Variants in OR52N2 observed in about 807,000 individuals in gnomAD.
The protein encoded by OR52N2 is olfactory receptor 52N2.
For synonymous variants in OR52N2, 129 were observed against 72.0 expected, an observed-to-expected ratio of 1.79 and a Z score of -4.01; for missense variants, 326 against 196.6, an observed-to-expected ratio of 1.66 and a Z score of -3.94.
rs535747998 is a variant in OR52N2 at position 5,816,296 on chromosome 11, T to A, written c.-54-3986T>A. ...ATGAATGTATTTAATGCCACTGAACTGTATATACCTGAACATGATTAAGAT... is the reference window on the plus strand; with the variant it reads ...ATGAATGTATTTAATGCCACTGAACAGTATATACCTGAACATGATTAAGAT... On this transcript the variant is annotated intron_variant, in intron 1 of 1. Transcript: ENST00000317037. 2.6e-5 allele frequency among the ~76,000 whole-genome samples: 4 copies of A among 152,316 alleles called. No homozygotes were observed. In the South Asian group the frequency reaches 8.3e-4, roughly 32 times the overall value.
Position 5,820,851 on chromosome 11 carries a change from G to A in OR52N2, c.516G>A (p.Arg172=), listed in dbSNP as rs73394378. ...TCACCAAGCGCCTGCCCTATTGCCG[G>A]GGGAACTTCATCCCCCACACCTACT... The part of the protein sequence containing the change: ...TLLTKRLPYC[R]GNFIPHTYCD... Residue 172 remains arginine, a synonymous_variant, in exon 2 of 2, where the codon CGG becomes CGA. Coordinates refer to ENST00000317037, the MANE Select transcript of OR52N2 (RefSeq NM_001005174.3). The A allele has an allele frequency of 0.052, 40,645 of 780,780 alleles. 1,305 individuals are homozygous for A. Among genetic ancestry groups the A allele is most frequent in the African/African-American group, 0.078 (4,597 of 59,160 alleles). 48.4% of individuals were successfully genotyped at this position (780,780 alleles called of 1,614,324 possible).
intron 1 of OR52N2, among the ~76,000 whole-genome samples, chr11:5,820,053 G>A (rs1483093516): frequency 1.3e-5 from 2 of 152,168 alleles, no homozygotes; most frequent in Non-Finnish European, 2.9e-5. Flanking sequence ...CTGGGGAGAG[G>A]TGTGGTAAGT....
At chr11:5,816,977 A>G (rs79789884) in intron 1 of OR52N2, among the ~76,000 whole-genome samples, 12 of 152,292 alleles carry the variant, frequency 7.9e-5, no homozygotes, top group African/African-American at 2.9e-4. Flanking sequence ...CTATTGTTTT[A>G]TAAACACAAC....
intron 1 of OR52N2, among the ~76,000 whole-genome samples, chr11:5,815,335 T>C (rs896544219): frequency 2.6e-5 from 4 of 152,012 alleles, no homozygotes; most frequent in African/African-American, 7.2e-5. Context: ...ATATATCTGA[T>C]AGGTATTAAT....
intron 1 of OR52N2, among the ~76,000 whole-genome samples, chr11:5,815,504 G>A (rs1306810904): frequency 2.6e-5 from 4 of 152,048 alleles, no homozygotes; most frequent in Non-Finnish European, 5.9e-5. Context: ...TTAGGGAACT[G>A]CAAATTAAAA....
intron 1 of OR52N2, among the ~76,000 whole-genome samples, chr11:5,815,458 A>G (rs1846396671): frequency 6.6e-6 from 1 of 152,150 alleles, no homozygotes; most frequent in Non-Finnish European, 1.5e-5. Context: ...ACAAATGGAT[A>G]ATAAACACAT....
At chr11:5,818,256 T>C (rs1846419551) in intron 1 of OR52N2, among the ~76,000 whole-genome samples, 1 of 152,170 alleles carries the variant, frequency 6.6e-6, no homozygotes, top group African/African-American at 2.4e-5. Context: ...ATGTTTTTCA[T>C]GACCAGACTT....
chr11:5,810,426 C>G (rs1181535987), intron 1 of OR52N2, among the ~76,000 whole-genome samples: 1 of 151,922 alleles, frequency 6.6e-6, no homozygotes, highest in Non-Finnish European at 1.5e-5. Flanking sequence ...CCTCAAAAAT[C>G]CCAAAACATT....
rs1334010636 is a variant in OR52N2 at position 5,821,192 on chromosome 11, T to C, written c.857T>C (p.Leu286Pro). The C allele has an allele frequency of 1.3e-6, 1 of 781,066 alleles. No individual in the cohort carries two copies. Among genetic ancestry groups the C allele is most frequent in the Non-Finnish European group, 2.4e-6 (1 of 418,126 alleles). 48.4% of individuals were successfully genotyped at this position (781,066 alleles called of 1,614,324 possible). A position where few individuals can be genotyped will look rare whatever the true frequency, so the allele number is the denominator to read the frequency against. The change falls in exon 2 of 2, where the codon CTG (leucine) becomes CCG (proline). Residue 286 changes from leucine to proline, a missense_variant. Leu to Pro is a moderately conservative substitution (Grantham distance 98). Coordinates refer to ENST00000317037, the MANE Select transcript of OR52N2 (RefSeq NM_001005174.3). The stretch of plus-strand genomic sequence containing the variant: ...ATCGTGGCCAACCTTTATCTGCTAC[T>C]GCCTCCTACCATGAACCCAATTGTT... ...HIIVANLYLL[L>P]PPTMNPIVYG... is the part of the protein sequence containing the mutation.
In OR52N2 at chr11:5,820,539, C is replaced by T. The variant is rs1590368691; in HGVS notation, c.204C>T (p.Leu68=). 1 of 779,538 alleles carries T rather than the reference C, an allele frequency of 1.3e-6. No homozygotes were observed. The highest frequency in any genetic ancestry group is 2.4e-6 in the Non-Finnish European group (1 of 417,316). 48.3% of individuals were successfully genotyped at this position (779,538 alleles called of 1,614,324 possible). A position where few individuals can be genotyped will look rare whatever the true frequency, so the allele number is the denominator to read the frequency against. ...CCATGTACTACTTCCTGGCCCTGCT[C>T]TCCTTCACTGATGTCACCTTGTGCA... The part of the protein sequence containing the change: ...HRPMYYFLAL[L]SFTDVTLCTT... The change falls in exon 2 of 2, where the codon CTC becomes CTT. Residue 68 remains leucine (L), a synonymous_variant. Transcript: ENST00000317037.
intron 1 of OR52N2, among the ~76,000 whole-genome samples, chr11:5,811,225 C>T (rs950057080): frequency 2.0e-5 from 3 of 151,884 alleles, no homozygotes; most frequent in Non-Finnish European, 4.4e-5. Context: ...TGATTAGTGA[C>T]ATGAAAACGT....
In OR52N2 at chr11:5,820,568, C is replaced by T. The variant is rs1255425027; in HGVS notation, c.233C>T (p.Thr78Ile). The stretch of plus-strand genomic sequence containing the variant: ...TTCACTGATGTCACCTTGTGCACCA[C>T]CATGGTACCTAATATGCTGTGCATA... Reference protein sequence around the residue: ...LSFTDVTLCTTMVPNMLCIFW... With the variant: ...LSFTDVTLCTIMVPNMLCIFW... The change falls in exon 2 of 2, where the codon ACC (threonine) becomes ATC (isoleucine). Residue 78 changes from threonine (T) to isoleucine (I), a missense_variant. Coordinates refer to ENST00000317037, the MANE Select transcript of OR52N2 (RefSeq NM_001005174.3). 2 of 781,050 alleles carry T rather than the reference C, an allele frequency of 2.6e-6. No homozygotes were observed. Among genetic ancestry groups the T allele is most frequent in the Non-Finnish European group, 4.8e-6 (2 of 418,268 alleles). 48.4% of individuals were successfully genotyped at this position (781,050 alleles called of 1,614,324 possible).
intron 1 of OR52N2, among the ~76,000 whole-genome samples, chr11:5,809,459 G>A (rs771607187): frequency 1.4e-4 from 21 of 152,118 alleles, no homozygotes; most frequent in Non-Finnish European, 2.8e-4. Flanking sequence ...TGCAGTTTCC[G>A]GGGAACAATG....
In OR52N2 at chr11:5,809,839, C is replaced by A. The variant is rs142086737; in HGVS notation, c.-55+785C>A. 3.6e-3 allele frequency among the ~76,000 whole-genome samples: 555 copies of A among 152,182 alleles called. 1 individual carries two copies. Among genetic ancestry groups the A allele is most frequent in the African/African-American group, 0.012 (502 of 41,502 alleles). ...ATTTCAAAGAACATCTTTATTTCTG[C>A]CTTCCTTTTGTTATTTACCCAGTAG... On this transcript the variant is annotated intron_variant, in intron 1 of 1. Coordinates refer to ENST00000317037, the MANE Select transcript of OR52N2 (RefSeq NM_001005174.3).
rs1464888411 is a variant in OR52N2, at chr11:5,820,593, A to G, written c.258A>G (p.Ile86Met). ...CCATGGTACCTAATATGCTGTGCATATTCTGGTTCAACCTCAAGGAGATTG... is the reference window on the plus strand; with the variant it reads ...CCATGGTACCTAATATGCTGTGCATGTTCTGGTTCAACCTCAAGGAGATTG... ...CTTMVPNMLC[I>M]FWFNLKEIDF... Residue 86 changes from isoleucine (I) to methionine (M), a missense_variant, in exon 2 of 2, where the codon ATA becomes ATG. Coordinates refer to ENST00000317037, the MANE Select transcript of OR52N2 (RefSeq NM_001005174.3). The G allele has an allele frequency of 1.3e-6, 1 of 781,782 alleles. No homozygotes were observed. The highest frequency in any genetic ancestry group is 2.4e-5 in the East Asian group (1 of 41,220). 48.4% of individuals were successfully genotyped at this position (781,782 alleles called of 1,614,324 possible).
intron 1 of OR52N2, among the ~76,000 whole-genome samples, chr11:5,819,666 C>G (rs1171151595): frequency 6.6e-6 from 1 of 152,154 alleles, no homozygotes; most frequent in Admixed American, 6.5e-5. Flanking sequence ...GAGTATCAGA[C>G]ATACCAAATT....
intron 1 of OR52N2, among the ~76,000 whole-genome samples, chr11:5,819,869 A>G (rs1467499933): frequency 1.3e-5 from 2 of 152,226 alleles, no homozygotes; most frequent in Non-Finnish European, 2.9e-5. Flanking sequence ...AGAACTGGTC[A>G]TATTAGGGTG....
At chr11:5,809,124 G>A (rs184839563) in intron 1 of OR52N2, among the ~76,000 whole-genome samples, 70 bp downstream of exon 1, 17 of 152,326 alleles carry the variant, frequency 1.1e-4, no homozygotes, top group African/African-American at 3.6e-4. Context: ...GTTGTTGGGT[G>A]TAAAAATGCT....
At chr11:5,810,745 C>A (rs1340681985) in intron 1 of OR52N2, among the ~76,000 whole-genome samples, 1 of 151,978 alleles carries the variant, frequency 6.6e-6, no homozygotes, top group African/African-American at 2.4e-5. Context: ...AAATCAGGGG[C>A]CAGTTCTATC....
Sources: allele counts gnomAD v4.1 joint callset (sites outside exome capture counted in the v4.1 genomes callset), GRCh38; gene constraint gnomAD v4.1.1; transcripts MANE v1.5; gene names NCBI Gene and HGNC (gene_info 2026-07-23, HGNC 2026-07-21).